CHID1: variants seen among roughly 807,000 people sequenced by gnomAD.
The protein encoded by CHID1 is chitinase domain containing 1.
Under a neutral mutation model 55.4 loss-of-function variants are expected in CHID1, and 44 were observed. The observed-to-expected ratio is 0.79, with a 90% confidence interval of 0.62 to 1.02. The LOEUF is 1.02. CHID1 is among the 50% of genes least tolerant of loss of function. The pLI is 0.00. For missense variants in CHID1, 491 were observed against 515.3 expected (o/e 0.95, Z 0.46); for synonymous variants, 216 against 212.9 (o/e 1.01, Z -0.13).
chr11:870,514 A>ATATGGAT lies in CHID1; in HGVS notation c.960-22_960-16dup. On this transcript the variant is annotated splice_polypyrimidine_tract_variant and intron_variant, in intron 10 of 12. Coordinates refer to ENST00000323578, the MANE Select transcript of CHID1 (RefSeq NM_023947.4). ...TCTGGATGTACCTGGGGAGACCAGGATATGGATTTGGGAGCCCACCCAGCT... is the reference window on the plus strand; with the variant it reads ...TCTGGATGTACCTGGGGAGACCAGGATATGGATTATGGATTTGGGAGCCCACCCAGCT... 1 of 1,593,608 alleles carries ATATGGAT rather than the reference A, an allele frequency of 6.3e-7. No homozygotes were observed. The highest frequency in any genetic ancestry group is 8.6e-7 in the Non-Finnish European group (1 of 1,167,090).
At chr11:888,949 C>A (rs1190335475) in intron 8 of CHID1, among the ~76,000 whole-genome samples, 1 of 152,232 alleles carries the variant, frequency 6.6e-6, no homozygotes, top group Non-Finnish European at 1.5e-5. Flanking sequence ...GCCCCTCCCC[C>A]TCCAGACGGC....
intron 1 of CHID1, among the ~76,000 whole-genome samples, chr11:905,156 C>A (rs557454607): frequency 2.0e-5 from 3 of 152,386 alleles, no homozygotes; most frequent in Non-Finnish European, 4.4e-5. Context: ...CCCTGACCAC[C>A]ACTGGCAATC....
In CHID1 at chr11:882,718, G is replaced by A. The variant is rs371017308; in HGVS notation, c.959+430C>T. ...CCAGAATTCTACAGCCAGGAAAGATGTCCTCCAGAAATAAAGTAAAGTAAT... is the reference window on the plus strand; with the variant it reads ...CCAGAATTCTACAGCCAGGAAAGATATCCTCCAGAAATAAAGTAAAGTAAT... On this transcript the variant is annotated intron_variant, in intron 10 of 12. Transcript: ENST00000323578. 2.2e-3 allele frequency among the ~76,000 whole-genome samples: 336 copies of A among 152,336 alleles called. 1 individual carries two copies. Among genetic ancestry groups the A allele is most frequent in the South Asian group, 6.2e-3 (30 of 4,826 alleles).
upstream of CHID1, chr11:914,779 C>T (rs1371054632): frequency 2.9e-6 from 1 of 346,454 alleles, no homozygotes; most frequent in African/African-American, 2.2e-5. Flanking sequence ...GGCTGTGGGG[C>T]CTTTGGGGCT....
intron 7 of CHID1, among the ~76,000 whole-genome samples, chr11:897,514 C>G (rs1054218743): frequency 1.3e-5 from 2 of 152,232 alleles, no homozygotes; most frequent in Non-Finnish European, 2.9e-5. Flanking sequence ...CTGCCCACGG[C>G]TCAGCAAGAA....
chr11:878,071 C>T (rs774124893), intron 10 of CHID1, among the ~76,000 whole-genome samples: 13 of 152,242 alleles, frequency 8.5e-5, no homozygotes, highest in Non-Finnish European at 1.3e-4. Flanking sequence ...CCAGCAAGAA[C>T]GCTCTCACAG....
intron 7 of CHID1, among the ~76,000 whole-genome samples, chr11:894,131 A>T (rs4963192): frequency 8.7e-5 from 11 of 127,114 alleles, no homozygotes; most frequent in South Asian, 2.7e-4. Context: ...CAAAAAAAAA[A>T]AAAAAAAAAA....
At chr11:879,682 G>A (rs1169539708) in intron 10 of CHID1, among the ~76,000 whole-genome samples, 1 of 152,226 alleles carries the variant, frequency 6.6e-6, no homozygotes, top group African/African-American at 2.4e-5. Flanking sequence ...TACCCTTGAA[G>A]ACTAGTGCGG....
chr11:907,253 G>A lies in CHID1; in HGVS notation c.-43-2394C>T, dbSNP rs566727036. On this transcript the variant is annotated intron_variant, in intron 1 of 12. Transcript: ENST00000323578. ...TCCCAGCACTTTGGGAGGCCGAAGC[G>A]GGCAGATCACGAGGTCAGGAGATCG... 5.3e-5 allele frequency among the ~76,000 whole-genome samples: 8 copies of A among 152,238 alleles called. No individual in the cohort carries two copies. In the South Asian group the frequency reaches 6.2e-4, roughly 12 times the overall value.
At chr11:900,836 A>G (rs1006755750) in intron 5 of CHID1, 100 bp downstream of exon 5, 65 of 993,752 alleles carry the variant, frequency 6.5e-5, no homozygotes, top group Non-Finnish European at 9.0e-5. Context: ...CCGCAGCAGC[A>G]CAGCCGGGTG....
chr11:907,467 C>T (rs1434029966), intron 1 of CHID1, among the ~76,000 whole-genome samples: 5 of 150,340 alleles, frequency 3.3e-5, no homozygotes, highest in East Asian at 1.9e-4. Context: ...GGCGACGGTG[C>T]GAGACTGTCT....
chr11:893,785 G>A (rs1048218814), intron 7 of CHID1, among the ~76,000 whole-genome samples: 1 of 151,884 alleles, frequency 6.6e-6, no homozygotes, highest in Non-Finnish European at 1.5e-5. Flanking sequence ...AACAACCAGA[G>A]ACAGCCCCAC....
chr11:902,150 T>C (rs770982185), intron 4 of CHID1, 48 bp downstream of exon 4: 7 of 1,607,164 alleles, frequency 4.4e-6, no homozygotes, highest in Non-Finnish European at 5.1e-6. Context: ...GCACTCACAC[T>C]CTTTTCAGCC....
intron 8 of CHID1, among the ~76,000 whole-genome samples, chr11:889,017 C>T (rs906338126): frequency 2.6e-5 from 4 of 152,210 alleles, no homozygotes; most frequent in Non-Finnish European, 4.4e-5. Context: ...TGAGACAGGC[C>T]GCTCTGTGCC....
In CHID1 at chr11:869,905, TAG is replaced by T. The variant is rs1849047218; in HGVS notation, c.1133_1134del (p.Ser378TyrfsTer30). On this transcript the variant is annotated frameshift_variant, in exon 13 of 13. Coordinates refer to ENST00000323578, the MANE Select transcript of CHID1 (RefSeq NM_023947.4). LOFTEE classifies it high-confidence loss of function. ...ELARELGVGV[S>X]IWELGQGLDY... is the part of the protein sequence containing the mutation. Reference sequence around the variant, plus strand: ...TCCAGGCCCTGGCCCAGCTCCCAGATAGAGACCCCAACGCCCAGCTCCCGGGC... The same window carrying T: ...TCCAGGCCCTGGCCCAGCTCCCAGATAGACCCCAACGCCCAGCTCCCGGGC... 2 of 1,612,712 alleles carry T rather than the reference TAG, an allele frequency of 1.2e-6. No individual in the cohort carries two copies. Among genetic ancestry groups the T allele is most frequent in the East Asian group, 2.2e-5 (1 of 44,862 alleles).
chr11:902,506 C>T (rs1004442731), intron 3 of CHID1, among the ~76,000 whole-genome samples, 176 bp from the exon 4 acceptor site: 5 of 152,222 alleles, frequency 3.3e-5, no homozygotes, highest in Admixed American at 2.6e-4. Flanking sequence ...TGGACTGCCA[C>T]TCACAGCCTG....
At chr11:896,500 G>T (rs1411907236) in intron 7 of CHID1, among the ~76,000 whole-genome samples, 1 of 121,656 alleles carries the variant, frequency 8.2e-6, no homozygotes, top group Non-Finnish European at 1.7e-5. Context: ...CAGACATGAG[G>T]CTGTCTCAGC....
At chr11:889,761 G>C (rs984017408) in intron 8 of CHID1, among the ~76,000 whole-genome samples, 2 of 152,068 alleles carry the variant, frequency 1.3e-5, no homozygotes, top group African/African-American at 4.8e-5. Flanking sequence ...AGGCCCCATA[G>C]CAGTCCAAGG....
At chr11:871,013 C>T (rs1335906711) in intron 10 of CHID1, among the ~76,000 whole-genome samples, 4 of 130,732 alleles carry the variant, frequency 3.1e-5, no homozygotes, top group African/African-American at 1.2e-4. Flanking sequence ...TTTTTTGAGA[C>T]GGAGTCTCAC....
Sources: gnomAD v4.1 joint callset for allele counts (sites outside exome capture counted in the v4.1 genomes callset) on GRCh38, gnomAD v4.1.1 for gene constraint, MANE v1.5 for transcripts, NCBI Gene and HGNC (gene_info 2026-07-23, HGNC 2026-07-21) for gene names.